GNG12: variants seen among roughly 807,000 people sequenced by gnomAD.
GNG12 encodes the protein guanine nucleotide-binding protein G(I)/G(S)/G(O) subunit gamma-12.
For synonymous variants in GNG12, 28 were observed against 29.7 expected (o/e 0.94, Z 0.19); for missense variants, 69 against 83.8 (o/e 0.82, Z 0.69).
At chr1:67,773,644 T>A (rs931053872) in intron 2 of GNG12, among the ~76,000 whole-genome samples, 1 of 152,200 alleles carries the variant, frequency 6.6e-6, no homozygotes, top group African/African-American at 2.4e-5. Context: ...ATGTAAATTC[T>A]GTGTATCAAA....
chr1:67,794,805 T>G (rs1646820471), intron 1 of GNG12, among the ~76,000 whole-genome samples: 1 of 152,264 alleles, frequency 6.6e-6, no homozygotes. Context: ...TTTATATCAT[T>G]TAGCACAGAG....
intron 1 of GNG12, among the ~76,000 whole-genome samples, chr1:67,824,982 C>A (rs1202171370): frequency 1.3e-5 from 2 of 152,150 alleles, no homozygotes; most frequent in African/African-American, 4.8e-5. Flanking sequence ...ACTAGGATTA[C>A]CTTCTAGGCA....
At position 67,783,208 on chromosome 1, in the gene GNG12, T is replaced by G. The variant is rs151087382; in HGVS notation, c.-76-5701A>C. ...TCTACACATAGACATAAGTGTTTCATGTTGAAAAGCCACAATTTCCTAAAT... is the reference window on the plus strand; with the variant it reads ...TCTACACATAGACATAAGTGTTTCAGGTTGAAAAGCCACAATTTCCTAAAT... On this transcript the variant is annotated intron_variant, in intron 1 of 3. Transcript: ENST00000370982. 5.0e-4 allele frequency among the ~76,000 whole-genome samples: 76 copies of G among 152,316 alleles called. No individual in the cohort carries two copies. In the East Asian group the frequency reaches 7.9e-3, roughly 16 times the overall value.
At chr1:67,717,330 T>C (rs1216092964) in intron 2 of GNG12, among the ~76,000 whole-genome samples, 1 of 151,930 alleles carries the variant, frequency 6.6e-6, no homozygotes, top group African/African-American at 2.4e-5. Context: ...GCCTGCCCAA[T>C]ATGGCCAAAC....
intron 2 of GNG12, among the ~76,000 whole-genome samples, chr1:67,724,292 T>A (rs1486210864): frequency 1.3e-5 from 2 of 152,036 alleles, no homozygotes; most frequent in Non-Finnish European, 2.9e-5. Context: ...GATACAGTGG[T>A]GGAAAAGCAG....
intron 1 of GNG12, among the ~76,000 whole-genome samples, chr1:67,812,536 C>T (rs1646931928): frequency 6.6e-6 from 1 of 152,144 alleles, no homozygotes; most frequent in Non-Finnish European, 1.5e-5. Context: ...GAGGAGCTAA[C>T]TTTCATCTTG....
rs1233873274 is a variant in GNG12, at chr1:67,761,692, T to A, written c.-27+15766A>T. 2.0e-5 allele frequency among the ~76,000 whole-genome samples: 3 copies of A among 152,086 alleles called. 1 individual carries two copies. Among genetic ancestry groups the A allele is most frequent in the Non-Finnish European group, 2.9e-5 (2 of 68,028 alleles). On this transcript the variant is annotated intron_variant, in intron 2 of 3. Coordinates refer to ENST00000370982, the MANE Select transcript of GNG12 (RefSeq NM_018841.6). Reference sequence around the variant, plus strand: ...ACACATTTCCAACAGTTCAGCAGGGTATATCCGAGATCGGCAAACTCTCCA... The same window carrying A: ...ACACATTTCCAACAGTTCAGCAGGGAATATCCGAGATCGGCAAACTCTCCA...
rs185988057 is a variant in GNG12, at chr1:67,711,226, T to C, written c.-26-3514A>G. Among the ~76,000 whole-genome samples the C allele has an allele frequency of 3.3e-3, 502 of 152,338 alleles. 2 individuals carry two copies. The highest frequency in any genetic ancestry group is 6.8e-3 in the Middle Eastern group (2 of 294). ...GGGAAGTCGATTAAATGGGGGTAAC[T>C]GTGATTGCAGGGGAATGAAAAATGA... On this transcript the variant is annotated intron_variant, in intron 2 of 3. Coordinates refer to ENST00000370982, the MANE Select transcript of GNG12 (RefSeq NM_018841.6).
intron 1 of GNG12, among the ~76,000 whole-genome samples, chr1:67,819,977 C>A (rs1480351471): frequency 6.6e-6 from 1 of 152,070 alleles, no homozygotes; most frequent in African/African-American, 2.4e-5. Context: ...CTTCACAGCA[C>A]TTACCCCTTT....
At chr1:67,729,610 T>G (rs1266480989) in intron 2 of GNG12, among the ~76,000 whole-genome samples, 1 of 152,144 alleles carries the variant, frequency 6.6e-6, no homozygotes, top group African/African-American at 2.4e-5. Context: ...TGGCCTTGGT[T>G]TTCTTGGTTT....
In GNG12 at chr1:67,749,793, T is replaced by TC. The variant is rs3835465; in HGVS notation, c.-27+27664dup. On this transcript the variant is annotated intron_variant, in intron 2 of 3. Coordinates refer to ENST00000370982, the MANE Select transcript of GNG12 (RefSeq NM_018841.6). ...CTGAGAATTTTTATCCACAACTTGT[T>TC]CCCCTCTCCTGATCTCCCTTCTCCC... 8.2e-3 allele frequency among the ~76,000 whole-genome samples: 1,254 copies of TC among 152,206 alleles called. 19 individuals are homozygous for TC. The highest frequency in any genetic ancestry group is 0.028 in the East Asian group (147 of 5,178).
intron 1 of GNG12, among the ~76,000 whole-genome samples, chr1:67,812,513 T>C (rs1350772100): frequency 6.6e-6 from 1 of 152,132 alleles, no homozygotes; most frequent in Non-Finnish European, 1.5e-5. Context: ...ACTCCACTCA[T>C]GTCAATTTTA....
rs138521631 is a variant in GNG12, at chr1:67,749,706, C to T, written c.-27+27752G>A. ...GATGCCTCACCTGGCAAGGCAGCCT[C>T]AGCCACACGCCCATCTCCACAGGCT... is the stretch of plus-strand genomic sequence containing the variant. On this transcript the variant is annotated intron_variant, in intron 2 of 3. Transcript: ENST00000370982. 1.4e-3 allele frequency among the ~76,000 whole-genome samples: 220 copies of T among 152,300 alleles called. 2 individuals carry two copies. Among genetic ancestry groups the T allele is most frequent in the Non-Finnish European group, 2.6e-3 (174 of 68,024 alleles).
At chr1:67,727,225 A>G (rs752239031) in intron 2 of GNG12, among the ~76,000 whole-genome samples, 3 of 152,334 alleles carry the variant, frequency 2.0e-5, no homozygotes, top group Non-Finnish European at 4.4e-5. Flanking sequence ...CTAGCACTCA[A>G]TGGGTCCAGG....
At chr1:67,811,205 G>A (rs917279899) in intron 1 of GNG12, among the ~76,000 whole-genome samples, 3 of 152,068 alleles carry the variant, frequency 2.0e-5, no homozygotes, top group Non-Finnish European at 4.4e-5. Context: ...CTTCAAAAGG[G>A]ATCTTATTCA....
intron 2 of GNG12, among the ~76,000 whole-genome samples, chr1:67,760,434 C>T (rs1481948151): frequency 6.6e-6 from 1 of 151,974 alleles, no homozygotes; most frequent in African/African-American, 2.4e-5. Context: ...TTTGACCAAC[C>T]ACGACACCTA....
intron 2 of GNG12, among the ~76,000 whole-genome samples, chr1:67,749,241 A>G (rs957418548): frequency 1.3e-5 from 2 of 152,240 alleles, no homozygotes; most frequent in Admixed American, 1.3e-4. Flanking sequence ...TAGTGAGACT[A>G]TGGATAGGTC....
intron 1 of GNG12, among the ~76,000 whole-genome samples, chr1:67,818,914 C>T (rs1034538835): frequency 7.9e-5 from 12 of 152,130 alleles, no homozygotes; most frequent in Admixed American, 5.9e-4. Context: ...AGAAGCATCA[C>T]GAGGCCTTGA....
intron 2 of GNG12, among the ~76,000 whole-genome samples, chr1:67,769,637 T>C (rs1018019790): frequency 6.6e-6 from 1 of 152,128 alleles, no homozygotes; most frequent in African/African-American, 2.4e-5. Flanking sequence ...CAGGTGCACG[T>C]TGGTATGCAG....
Sources: gnomAD v4.1 joint callset for allele counts (sites outside exome capture counted in the v4.1 genomes callset) on GRCh38, gnomAD v4.1.1 for gene constraint, MANE v1.5 for transcripts, NCBI Gene and HGNC (gene_info 2026-07-23, HGNC 2026-07-21) for gene names.